The following THOP1 variants were observed in gnomAD, a reference collection of about 807,000 sequenced individuals.
THOP1 encodes thimet oligopeptidase 1, also known as thimet oligopeptidase.
Under a neutral mutation model 71.8 loss-of-function variants are expected in THOP1, and 49 were observed. The observed-to-expected ratio is 0.68, with a 90% CI of 0.54 to 0.87. The LOEUF is 0.87. THOP1 is among the 40% of genes least tolerant of loss of function. The pLI is 0.00. For missense variants in THOP1, 843 were observed against 975.6 expected, an observed-to-expected ratio of 0.86 and a Z score of 1.81; for synonymous variants, 426 against 421.5, an observed-to-expected ratio of 1.01 and a Z score of -0.13.
In THOP1 at chr19:2,813,198, T is replaced by C. The variant is rs1916527659; in HGVS notation, c.1992T>C (p.Arg664=). The C allele has an allele frequency of 6.2e-7, 1 of 1,612,494 alleles. No homozygotes were observed. Among genetic ancestry groups the C allele is most frequent in the Non-Finnish European group, 8.5e-7 (1 of 1,179,798 alleles). Residue 664 remains arginine, a synonymous_variant, in exon 13 of 13, where the codon CGT becomes CGC. Transcript: ENST00000307741. ...ASAMLRRFLG[R]DPKQDAFLLS... ...CCATGCTGAGGCGCTTCCTGGGCCGTGACCCCAAGCAGGACGCCTTCCTCC... is the reference window on the plus strand; with the variant it reads ...CCATGCTGAGGCGCTTCCTGGGCCGCGACCCCAAGCAGGACGCCTTCCTCC...
chr19:2,800,662 G>C (rs1260243431), intron 5 of THOP1, among the ~76,000 whole-genome samples: 1 of 152,238 alleles, frequency 6.6e-6, no homozygotes, highest in Non-Finnish European at 1.5e-5. Flanking sequence ...GTCGGGCACT[G>C]CCAAGCTTGG....
chr19:2,803,783 C>T (rs1043838753), intron 5 of THOP1, among the ~76,000 whole-genome samples: 1 of 152,126 alleles, frequency 6.6e-6, no homozygotes, highest in Admixed American at 6.5e-5. Context: ...CCACAGGACT[C>T]TCAGCTCCCT....
intron 1 of THOP1, among the ~76,000 whole-genome samples, chr19:2,789,755 T>C (rs1245676993): frequency 6.6e-6 from 1 of 151,884 alleles, no homozygotes; most frequent in Non-Finnish European, 1.5e-5. Context: ...CAGGGGGATT[T>C]TTTTTTTTTC....
In THOP1 at chr19:2,814,938, G is replaced by A. The variant is rs1284638772; in HGVS notation, c.*1662G>A. 1 of 152,758 alleles carries A rather than the reference G, an allele frequency of 6.5e-6. No individual in the cohort carries two copies. 9.5% of individuals were successfully genotyped at this position (152,758 alleles called of 1,614,324 possible). ...GGTGGGTGTGGGGCCAGTGCCTGTG[G>A]TCTGTTTTTTGGGAGGCTGAGGCAG... On this transcript the variant is annotated 3_prime_UTR_variant, in exon 13 of 13. Transcript: ENST00000307741.
rs1374349628 is a variant in THOP1, at chr19:2,805,851, G to A, written c.750+675G>A. Among the ~76,000 whole-genome samples, 1 of 149,064 alleles carries A rather than the reference G, an allele frequency of 6.7e-6. No individual in the cohort carries two copies. The highest frequency in any genetic ancestry group is 1.5e-5 in the Non-Finnish European group (1 of 67,054). On this transcript the variant is annotated intron_variant, in intron 6 of 12. Transcript: ENST00000307741. The surrounding 1 kb of genome is among the most constrained non-coding windows in gnomAD (Gnocchi z 6.6). ...CGGGCGGGTGCCCATCACTGCGGGG[G>A]GACGGGCGGGTGCCCATCACTGCGG...
chr19:2,812,602 G>A (rs1916506853), intron 12 of THOP1, among the ~76,000 whole-genome samples: 1 of 152,192 alleles, frequency 6.6e-6, no homozygotes, highest in African/African-American at 2.4e-5. Flanking sequence ...TGGGAGCTGG[G>A]ACTGTGGCTC....
Position 2,807,542 on chromosome 19 carries a change from C to T in THOP1, c.987C>T (p.Asp329=), listed in dbSNP as rs771845000. The T allele has an allele frequency of 7.4e-6, 12 of 1,612,312 alleles. No individual in the cohort carries two copies. The highest frequency in any genetic ancestry group is 8.5e-6 in the Non-Finnish European group (10 of 1,179,804). The change falls in exon 8 of 13, where the codon GAC becomes GAT. Residue 329 remains aspartate, a synonymous_variant. Transcript: ENST00000307741. ...AECERRGLPF[D]GRIRAWDMRY... is the part of the protein sequence containing the mutation. ...GCGAGCGCCGGGGCCTGCCCTTCGACGGCCGCATCCGTGCCTGGGACATGC... is the reference window on the plus strand; with the variant it reads ...GCGAGCGCCGGGGCCTGCCCTTCGATGGCCGCATCCGTGCCTGGGACATGC...
At chr19:2,800,247 G>A (rs1237978557) in intron 5 of THOP1, among the ~76,000 whole-genome samples, 1 of 152,168 alleles carries the variant, frequency 6.6e-6, no homozygotes, top group South Asian at 2.1e-4. Flanking sequence ...GTGCAGTGGT[G>A]CGACCTCCAC....
intron 1 of THOP1, among the ~76,000 whole-genome samples, chr19:2,787,949 G>A (rs764698098): frequency 2.6e-5 from 4 of 152,160 alleles, no homozygotes; most frequent in Non-Finnish European, 4.4e-5. Flanking sequence ...ATTTGATTTC[G>A]GAGTGCTGCC....
In THOP1 at chr19:2,808,325, G is replaced by T; in HGVS notation, c.1336G>T (p.Ala446Ser). Reference sequence around the variant, plus strand: ...GGATGGGAGCCGCCAGATCGCCATCGCGGCCATGGTGGCCAACTTCACCAA... The same window carrying T: ...GGATGGGAGCCGCCAGATCGCCATCTCGGCCATGGTGGCCAACTTCACCAA... ...RQDGSRQIAI[A>S]AMVANFTKPT... is the part of the protein sequence containing the mutation. Residue 446 changes from alanine to serine, a missense_variant, in exon 9 of 13, where the codon GCG becomes TCG. Coordinates refer to ENST00000307741, the MANE Select transcript of THOP1 (RefSeq NM_003249.5). 6.3e-7 allele frequency: 1 copy of T among 1,596,250 alleles called. No homozygotes were observed. Among genetic ancestry groups the T allele is most frequent in the Non-Finnish European group, 8.5e-7 (1 of 1,171,940 alleles).
At chr19:2,792,630 A>T (rs1454489544) in intron 2 of THOP1, among the ~76,000 whole-genome samples, 1 of 151,758 alleles carries the variant, frequency 6.6e-6, no homozygotes, top group African/African-American at 2.4e-5. Context: ...TTTAAAAAAA[A>T]TTATTATTAT....
In THOP1 at chr19:2,801,295, G is replaced by A. The variant is rs1302966453; in HGVS notation, c.589+1504G>A. Among the ~76,000 whole-genome samples, 2 of 152,230 alleles carry A rather than the reference G, an allele frequency of 1.3e-5. No individual in the cohort carries two copies. Among genetic ancestry groups the A allele is most frequent in the Non-Finnish European group, 2.9e-5 (2 of 68,046 alleles). On this transcript the variant is annotated intron_variant, in intron 5 of 12. Transcript: ENST00000307741. The surrounding 1 kb of genome is among the most constrained non-coding windows in gnomAD (Gnocchi z 5.1). ...CTGCTGGCTCATGTGGGTTCCAGCC[G>A]GTTTCAGCCAGTTTTGTTCTTGTCG...
Position 2,807,035 on chromosome 19 carries a change from C to G in THOP1, c.869C>G (p.Thr290Ser), listed in dbSNP as rs1916310045. Residue 290 changes from threonine to serine, a missense_variant, in exon 7 of 13, where the codon ACC (threonine) becomes AGC (serine). Physicochemically the swap from Thr to Ser is moderately conservative, Grantham distance 58. Coordinates refer to ENST00000307741, the MANE Select transcript of THOP1 (RefSeq NM_003249.5). ...LEMNMAKTSQ[T>S]VATFLDELAQ... The stretch of plus-strand genomic sequence containing the variant: ...ATGAACATGGCCAAGACCAGCCAGA[C>G]CGTGGCCACCTTCCTAGGTAGCCCT... 1.2e-6 allele frequency: 2 copies of G among 1,610,414 alleles called. No homozygotes were observed. The highest frequency in any genetic ancestry group is 1.1e-5 in the South Asian group (1 of 91,000).
intron 9 of THOP1, among the ~76,000 whole-genome samples, chr19:2,808,867 G>A (rs1336098314): frequency 1.3e-5 from 2 of 152,294 alleles, no homozygotes; most frequent in South Asian, 2.1e-4. Context: ...TCACTTGACC[G>A]TAGTGACCTC....
chr19:2,797,654 T>TGCCTGAGCACGCTTAAGACAGGCCAG (rs1916051357), intron 4 of THOP1, among the ~76,000 whole-genome samples: 1 of 152,256 alleles, frequency 6.6e-6, no homozygotes, highest in Non-Finnish European at 1.5e-5. Flanking sequence ...GGTTAAGCTG[T>TGCCTGAGCACGCTTAAGACAGGCCAG]GATGTTCGCT....
chr19:2,785,812 A>C (rs1028007563), intron 1 of THOP1, 134 bp downstream of exon 1: 6 of 775,030 alleles, frequency 7.7e-6, no homozygotes, highest in Non-Finnish European at 7.1e-6. Context: ...GCAGCGGGGG[A>C]GGTGGACGAC....
intron 12 of THOP1, chr19:2,812,074 CT>C: frequency 8.0e-7 from 1 of 1,252,954 alleles, no homozygotes; most frequent in Non-Finnish European, 1.1e-6. Context: ...GTGCTGGGAG[CT>C]CCGTGTCTTC....
rs1916269993 is a variant in THOP1 at position 2,805,621 on chromosome 19, A to T, written c.750+445A>T. Reference sequence around the variant, plus strand: ...GTCAGACGGCCGTTCCCACAGGGACACATGTAACTGTCCACGGCGCCATGG... The same window carrying T: ...GTCAGACGGCCGTTCCCACAGGGACTCATGTAACTGTCCACGGCGCCATGG... On this transcript the variant is annotated intron_variant, in intron 6 of 12. Transcript: ENST00000307741. This position sits in a 1 kb window ranked among gnomAD's most constrained non-coding sequence, Gnocchi z 6.6. 6.6e-6 allele frequency among the ~76,000 whole-genome samples: 1 copy of T among 152,118 alleles called. No homozygotes were observed. The highest frequency in any genetic ancestry group is 2.4e-5 in the African/African-American group (1 of 41,412).
chr19:2,813,373 GGGA>G lies in THOP1; in HGVS notation c.*98_*100del. 7.2e-7 allele frequency: 1 copy of G among 1,379,688 alleles called. No homozygotes were observed. Among genetic ancestry groups the G allele is most frequent in the Non-Finnish European group, 9.6e-7 (1 of 1,041,920 alleles). The allele number at this position is 1,379,688 out of a possible 1,614,324, so 85.5% of individuals were successfully genotyped here. Reference sequence around the variant, plus strand: ...TGGGGCAGGCTCTGGCACAGTGCCTGGGACTGGCAGGGTGGCTGAGCGGCTGTC... The same window carrying G: ...TGGGGCAGGCTCTGGCACAGTGCCTGCTGGCAGGGTGGCTGAGCGGCTGTC... On this transcript the variant is annotated 3_prime_UTR_variant, in exon 13 of 13. Transcript: ENST00000307741.
Sources: allele counts gnomAD v4.1 joint callset (sites outside exome capture counted in the v4.1 genomes callset), GRCh38; gene constraint gnomAD v4.1.1; non-coding constraint Gnocchi (gnomAD v3.1); transcripts MANE v1.5; gene names NCBI Gene and HGNC (gene_info 2026-07-23, HGNC 2026-07-21).